Variants in HS3ST4 observed in about 807,000 individuals in gnomAD.
HS3ST4 encodes heparan sulfate-glucosamine 3-sulfotransferase 4.
A neutral mutation model predicts 29.2 loss-of-function variants in HS3ST4; 17 were observed. The observed-to-expected ratio is 0.58, with a 90% CI of 0.40 to 0.87. The LOEUF (loss-of-function observed/expected upper bound fraction) is 0.87. HS3ST4 is among the 40% of genes least tolerant of loss of function. HS3ST4 has a pLI of 0.00. For missense variants in HS3ST4, 627 were observed against 634.5 expected (o/e 0.99, Z 0.13); for synonymous variants, 314 against 285.7 (o/e 1.10, Z -1.00).
At chr16:25,841,808 T>C (rs1242750905) in intron 1 of HS3ST4, among the ~76,000 whole-genome samples, 1 of 152,188 alleles carries the variant, frequency 6.6e-6, no homozygotes, top group Non-Finnish European at 1.5e-5. Context: ...ATTGCTTCAA[T>C]ATGTTTTCCC....
At chr16:25,711,151 A>G (rs1966412557) in intron 1 of HS3ST4, among the ~76,000 whole-genome samples, 1 of 151,878 alleles carries the variant, frequency 6.6e-6, no homozygotes, top group South Asian at 2.1e-4. Flanking sequence ...AGGGAAGTAA[A>G]CCCATCTTCT....
chr16:25,740,359 G>T (rs1453124184), intron 1 of HS3ST4, among the ~76,000 whole-genome samples: 1 of 152,148 alleles, frequency 6.6e-6, no homozygotes, highest in African/African-American at 2.4e-5. Context: ...GAGATAAATT[G>T]TGGCACCATT....
At position 25,985,342 on chromosome 16, in the gene HS3ST4, G is replaced by C. The variant is rs1476689020; in HGVS notation, c.735-150270G>C. On this transcript the variant is annotated intron_variant, in intron 1 of 1. Coordinates refer to ENST00000331351, the MANE Select transcript of HS3ST4 (RefSeq NM_006040.3). ...TAGTTGTGGAAGGCTGGGAGAATGA[G>C]AGGCAATTTGGGCATTTAGGTGGTT... 2.0e-5 allele frequency among the ~76,000 whole-genome samples: 3 copies of C among 152,302 alleles called. No individual in the cohort carries two copies. The East Asian group carries it at 5.8e-4, about 29-fold the overall frequency.
chr16:25,862,914 A>G (rs1967653539), intron 1 of HS3ST4, among the ~76,000 whole-genome samples: 2 of 152,060 alleles, frequency 1.3e-5, no homozygotes, highest in South Asian at 4.2e-4. Context: ...GAGCATTCCT[A>G]TTGCCTCCTA....
At chr16:25,832,158 A>G (rs1967309928) in intron 1 of HS3ST4, among the ~76,000 whole-genome samples, 1 of 152,034 alleles carries the variant, frequency 6.6e-6, no homozygotes, top group Admixed American at 6.5e-5. Flanking sequence ...TTTTCACTCA[A>G]CATCTTCTTA....
intron 1 of HS3ST4, among the ~76,000 whole-genome samples, chr16:25,983,507 C>T (rs886632104): frequency 3.3e-5 from 5 of 152,166 alleles, no homozygotes; most frequent in African/African-American, 1.2e-4. Context: ...GTAGCAACCC[C>T]ATCTTCCTTG....
At chr16:25,718,906 T>C (rs1328352647) in intron 1 of HS3ST4, among the ~76,000 whole-genome samples, 1 of 152,132 alleles carries the variant, frequency 6.6e-6, no homozygotes, top group Non-Finnish European at 1.5e-5. Flanking sequence ...ACTTTGAAAT[T>C]GGAGAATATA....
intron 1 of HS3ST4, among the ~76,000 whole-genome samples, chr16:26,028,353 T>C (rs566898684): frequency 6.7e-6 from 1 of 150,086 alleles, no homozygotes; most frequent in Admixed American, 6.6e-5. Flanking sequence ...ACTTTAAAAA[T>C]TGTGAAAATT....
chr16:26,042,595 A>G (rs148750194), intron 1 of HS3ST4, among the ~76,000 whole-genome samples: 1 of 152,334 alleles, frequency 6.6e-6, no homozygotes, highest in Non-Finnish European at 1.5e-5. Context: ...GAACAGTTGA[A>G]TTTACTTACT....
intron 1 of HS3ST4, among the ~76,000 whole-genome samples, chr16:26,050,520 G>C (rs1020667038): frequency 9.2e-5 from 14 of 152,102 alleles, no homozygotes; most frequent in African/African-American, 3.4e-4. Flanking sequence ...ATGATAAATA[G>C]TCATTGAGCA....
chr16:26,003,270 AC>A (rs2141735031), intron 1 of HS3ST4, among the ~76,000 whole-genome samples: 1 of 152,312 alleles, frequency 6.6e-6, no homozygotes, highest in East Asian at 1.9e-4. Flanking sequence ...TCATCAGTAA[AC>A]AGAGATAATT....
Position 25,724,134 on chromosome 16 carries a change from AAAAT to A in HS3ST4, c.734+30984_734+30987del, listed in dbSNP as rs1363715136. On this transcript the variant is annotated intron_variant, in intron 1 of 1. Transcript: ENST00000331351. ...TCTCAAAAAAAAAAAAAAAAAAAAA[AAAAT>A]CTACCACCTGCCATTGTTTCCCCCA... Among the ~76,000 whole-genome samples the A allele has an allele frequency of 8.8e-3, 1,314 of 149,384 alleles. 17 individuals are homozygous for A. Among genetic ancestry groups the A allele is most frequent in the South Asian group, 0.021 (97 of 4,714 alleles).
intron 1 of HS3ST4, among the ~76,000 whole-genome samples, chr16:25,705,286 C>T (rs1966367860): frequency 6.6e-6 from 1 of 152,158 alleles, no homozygotes; most frequent in South Asian, 2.1e-4. Flanking sequence ...TTGGGAGCCC[C>T]TGGAGATGAG....
chr16:25,953,404 A>G (rs568396707), intron 1 of HS3ST4, among the ~76,000 whole-genome samples: 2 of 152,332 alleles, frequency 1.3e-5, no homozygotes, highest in South Asian at 2.1e-4. Flanking sequence ...AGTACTAGAA[A>G]GCCTGACCTC....
chr16:26,134,075 G>T (rs764125421), intron 1 of HS3ST4, among the ~76,000 whole-genome samples: 1 of 152,060 alleles, frequency 6.6e-6, no homozygotes, highest in Admixed American at 6.6e-5. Context: ...GGGGAAAATG[G>T]CATCAAACCC....
chr16:25,935,096 C>A (rs1596619069), intron 1 of HS3ST4, among the ~76,000 whole-genome samples: 1 of 152,114 alleles, frequency 6.6e-6, no homozygotes, highest in South Asian at 2.1e-4. Flanking sequence ...CTCCTGCCAC[C>A]GTGTGAGAAG....
chr16:25,898,267 TG>T (rs1968090423), intron 1 of HS3ST4, among the ~76,000 whole-genome samples: 1 of 152,264 alleles, frequency 6.6e-6, no homozygotes, highest in Admixed American at 6.5e-5. Context: ...GTAGTGCTAA[TG>T]GCACTCACAT....
intron 1 of HS3ST4, among the ~76,000 whole-genome samples, chr16:25,799,989 C>T (rs1422099685): frequency 2.0e-5 from 3 of 151,960 alleles, no homozygotes; most frequent in Non-Finnish European, 2.9e-5. Context: ...ATGTGTGCAC[C>T]ACTACACATG....
At chr16:26,019,154 G>A (rs77117474) in intron 1 of HS3ST4, among the ~76,000 whole-genome samples, 4 of 151,798 alleles carry the variant, frequency 2.6e-5, no homozygotes, top group Middle Eastern at 3.4e-3. Flanking sequence ...GCTACCCCCC[G>A]ATCCACCCCC....
Sources: gnomAD v4.1 joint callset for allele counts (sites outside exome capture counted in the v4.1 genomes callset) on GRCh38, gnomAD v4.1.1 for gene constraint, MANE v1.5 for transcripts, NCBI Gene and HGNC (gene_info 2026-07-23, HGNC 2026-07-21) for gene names.